Variants in AOPEP observed in about 807,000 individuals in gnomAD.
The protein encoded by AOPEP is aminopeptidase O (putative), also known as aminopeptidase O.
A neutral mutation model predicts 98.1 loss-of-function variants in AOPEP; 77 were observed. The ratio of observed to expected loss-of-function variants is 0.78; its 90% CI spans 0.65 to 0.95. The LOEUF is 0.95. AOPEP is among the 40% of genes least tolerant of loss of function. The probability of loss-of-function intolerance (pLI) is 0.00; values close to 1 mark genes in which losing one functional copy is unlikely to be tolerated. For synonymous variants in AOPEP, 346 were observed against 365.3 expected (o/e 0.95, Z 0.60); for missense variants, 1,024 against 1,024.7 (o/e 1.00, Z 0.01).
intron 5 of AOPEP, among the ~76,000 whole-genome samples, chr9:94,882,108 CG>C (rs2047658039): frequency 1.3e-5 from 2 of 152,154 alleles, no homozygotes; most frequent in African/African-American, 4.8e-5. Context: ...GTGGTTATGG[CG>C]GGAAGGCCTG....
At chr9:94,836,533 A>T (rs979248723) in intron 5 of AOPEP, among the ~76,000 whole-genome samples, 1 of 152,136 alleles carries the variant, frequency 6.6e-6, no homozygotes, top group Non-Finnish European at 1.5e-5. Flanking sequence ...TCATTTATGC[A>T]CATTATTAAT....
At chr9:95,146,022 A>G in the AOPEP span, among the ~76,000 whole-genome samples, 1,588 of 152,284 alleles carry the variant, frequency 0.01, 29 homozygotes, top group African/African-American at 0.037. Context: ...AAAAATTCTA[A>G]GACAATCAGG....
chr9:94,837,429 A>G (rs544064544), intron 5 of AOPEP, among the ~76,000 whole-genome samples: 2 of 152,206 alleles, frequency 1.3e-5, no homozygotes, highest in Non-Finnish European at 2.9e-5. Flanking sequence ...CCCTAATACC[A>G]AAACCAGGAA....
intron 16 of AOPEP, chr9:95,085,564 G>A: frequency 2.1e-6 from 1 of 473,946 alleles, no homozygotes. Flanking sequence ...TTAAGTTGGA[G>A]CCGCTGGGGC....
the AOPEP span, among the ~76,000 whole-genome samples, chr9:95,115,221 CATTA>C: frequency 0.011 from 1,719 of 152,316 alleles, 30 homozygotes; most frequent in African/African-American, 0.039. Context: ...GAATTACAGG[CATTA>C]ATCACCACGC....
chr9:95,074,864 T>C (rs1163027509), intron 14 of AOPEP, among the ~76,000 whole-genome samples: 2 of 152,198 alleles, frequency 1.3e-5, no homozygotes, highest in Non-Finnish European at 2.9e-5. Flanking sequence ...CTGCCCAGCG[T>C]CAGCACCGGC....
chr9:94,891,127 G>C (rs1192289311), intron 5 of AOPEP, among the ~76,000 whole-genome samples: 2 of 152,160 alleles, frequency 1.3e-5, no homozygotes, highest in African/African-American at 4.8e-5. Context: ...CTCTTGTTTA[G>C]TGCATACACA....
At chr9:94,741,166 G>T (rs1178486786) in intron 1 of AOPEP, among the ~76,000 whole-genome samples, 2 of 152,132 alleles carry the variant, frequency 1.3e-5, no homozygotes, top group Non-Finnish European at 2.9e-5. Context: ...GAAAAAATAG[G>T]TTGGTGAGAG....
the AOPEP span, among the ~76,000 whole-genome samples, chr9:95,137,119 G>T: frequency 6.6e-6 from 1 of 152,176 alleles, no homozygotes; most frequent in Admixed American, 6.5e-5. Context: ...GCCTCCCACC[G>T]ACCCAACAAC....
intron 1 of AOPEP, among the ~76,000 whole-genome samples, chr9:94,751,905 T>A (rs1835878309): frequency 2.7e-5 from 4 of 150,300 alleles, no homozygotes; most frequent in Admixed American, 2.6e-4. Flanking sequence ...TTTTTTTTTT[T>A]TTTTTGAGAA....
intron 13 of AOPEP, among the ~76,000 whole-genome samples, chr9:95,032,590 T>C (rs2064414447): frequency 6.6e-6 from 1 of 152,198 alleles, no homozygotes; most frequent in Non-Finnish European, 1.5e-5. Context: ...AGTTGGAGAA[T>C]GTTTTCTTGA....
chr9:94,728,239 G>GCGCACACA (rs113657409), intron 1 of AOPEP, among the ~76,000 whole-genome samples: 1 of 146,512 alleles, frequency 6.8e-6, no homozygotes, highest in African/African-American at 2.5e-5. Context: ...GTGCGCGCAT[G>GCGCACACA]CACACACACA....
At chr9:94,851,833 A>G (rs2043587402) in intron 5 of AOPEP, among the ~76,000 whole-genome samples, 1 of 150,288 alleles carries the variant, frequency 6.7e-6, no homozygotes, top group Non-Finnish European at 1.5e-5. Context: ...AACCCCTCTC[A>G]TGATTCCCAT....
intron 9 of AOPEP, among the ~76,000 whole-genome samples, chr9:94,957,453 C>T (rs2058544817): frequency 6.6e-6 from 1 of 152,196 alleles, no homozygotes. Context: ...GGTGATCTGC[C>T]CACCTTGGCC....
intron 4 of AOPEP, among the ~76,000 whole-genome samples, chr9:94,796,397 T>G (rs1213700838): frequency 6.6e-6 from 1 of 152,244 alleles, no homozygotes; most frequent in African/African-American, 2.4e-5. Context: ...AGTGGCTTTG[T>G]TTTCATCCAT....
chr9:95,078,814 G>A (rs1319600043), intron 14 of AOPEP, among the ~76,000 whole-genome samples: 1 of 152,226 alleles, frequency 6.6e-6, no homozygotes, highest in East Asian at 1.9e-4. Flanking sequence ...GATGAGGGAC[G>A]GAGGCGTCCA....
At chr9:94,963,941 G>C (rs1044851561) in intron 9 of AOPEP, among the ~76,000 whole-genome samples, 5 of 152,132 alleles carry the variant, frequency 3.3e-5, no homozygotes, top group African/African-American at 1.2e-4. Context: ...GCCAATTTAT[G>C]AAAAGAAACA....
intron 14 of AOPEP, among the ~76,000 whole-genome samples, chr9:95,078,302 G>A (rs1203297715): frequency 6.6e-6 from 1 of 152,200 alleles, no homozygotes; most frequent in Non-Finnish European, 1.5e-5. Flanking sequence ...ATAAGCCCCA[G>A]TTTATGCTTC....
chr9:95,060,965 G>A (rs2067269172), intron 14 of AOPEP, 155 bp downstream of exon 14: 1 of 606,930 alleles, frequency 1.6e-6, no homozygotes, highest in Non-Finnish European at 3.0e-6. Context: ...GCTTTAATCT[G>A]ATTATGCTTA....
Sources: allele counts gnomAD v4.1 joint callset (sites outside exome capture counted in the v4.1 genomes callset), GRCh38; gene constraint gnomAD v4.1.1; transcripts MANE v1.5; gene names NCBI Gene and HGNC (gene_info 2026-07-23, HGNC 2026-07-21).